MFSD12: variants seen among roughly 807,000 people sequenced by gnomAD.
MFSD12 encodes major facilitator superfamily domain-containing protein 12.
Under a neutral mutation model 51.2 loss-of-function variants are expected in MFSD12, and 67 were observed. That is an observed-to-expected ratio of 1.31 (90% CI 1.08 to 1.60). The LOEUF (loss-of-function observed/expected upper bound fraction) is 1.60, where lower values mean the gene tolerates loss of function less well. Among genes scored for constraint, MFSD12 ranks in the 40% most tolerant of loss-of-function variants. MFSD12 has a pLI of 0.00. For synonymous variants in MFSD12, 441 were observed against 316.7 expected, an observed-to-expected ratio of 1.39 and a Z score of -4.17; for missense variants, 921 against 673.0, an observed-to-expected ratio of 1.37 and a Z score of -4.08.
intron 4 of MFSD12, 100 bp downstream of exon 4, chr19:3,547,748 G>T: frequency 2.2e-6 from 3 of 1,376,556 alleles, no homozygotes; most frequent in Non-Finnish European, 9.7e-7. Context: ...TGCACCAGGG[G>T]CCACGTGTGC....
At chr19:3,546,747 CAGAA>C (rs1193482249) in intron 6 of MFSD12, among the ~76,000 whole-genome samples, 1 of 152,238 alleles carries the variant, frequency 6.6e-6, no homozygotes, top group African/African-American at 2.4e-5. Context: ...ACAGGGTGGA[CAGAA>C]AGCGCCAGAG....
rs367699993 is a variant in MFSD12, at chr19:3,547,464, G to C, written c.921C>G (p.His307Gln). 8 of 1,612,968 alleles carry C rather than the reference G, an allele frequency of 5.0e-6. No homozygotes were observed. The highest frequency in any genetic ancestry group is 2.2e-5 in the East Asian group (1 of 44,878). ...YMAMYLTYSL[H>Q]LPKKFIATIP... ...GCCCCAATCTGCTCACCTTGGGCAGGTGGAGCGAGTAGGTGAGGTACATGG... is the reference window on the plus strand; with the variant it reads ...GCCCCAATCTGCTCACCTTGGGCAGCTGGAGCGAGTAGGTGAGGTACATGG... Residue 307 changes from histidine (H) to glutamine (Q), a missense_variant, in exon 5 of 10, where the codon CAC becomes CAG. His to Gln is a conservative substitution (Grantham distance 24). Coordinates refer to ENST00000355415, the MANE Select transcript of MFSD12 (RefSeq NM_174983.5).
chr19:3,545,033 C>T, intron 8 of MFSD12, 94 bp from the exon 9 acceptor site: 1 of 1,469,832 alleles, frequency 6.8e-7, no homozygotes, highest in Non-Finnish European at 9.0e-7. Flanking sequence ...CCGACAGCGG[C>T]TCCGTCCTGT....
In MFSD12 at chr19:3,547,252, C is replaced by T. The variant is rs751741855; in HGVS notation, c.1023+20G>A. 6 of 1,607,146 alleles carry T rather than the reference C, an allele frequency of 3.7e-6. No homozygotes were observed. In the African/African-American group the frequency reaches 8.0e-5, roughly 21 times the overall value. On this transcript the variant is annotated intron_variant, in intron 6 of 9. Transcript: ENST00000355415. ...CACCCCATCCTCCGCCCCAGCTGTCCCCGGTCCCCGCCCACTCACGTTCCT... is the reference window on the plus strand; with the variant it reads ...CACCCCATCCTCCGCCCCAGCTGTCTCCGGTCCCCGCCCACTCACGTTCCT...
At chr19:3,542,893 C>G (rs1568249336), downstream of MFSD12, 1 of 1,410,788 alleles carries the variant, frequency 7.1e-7, no homozygotes, top group Non-Finnish European at 9.5e-7. Flanking sequence ...ACTTGTGGGT[C>G]TTGGAGGCTG....
In MFSD12 at chr19:3,554,584, TC is replaced by T. The variant is rs2031643804; in HGVS notation, c.298+2521del. 2.0e-5 allele frequency among the ~76,000 whole-genome samples: 3 copies of T among 152,328 alleles called. No individual in the cohort carries two copies. In the Middle Eastern group the frequency reaches 0.01, roughly 518 times the overall value. ...TCCGCAGCTTCAAAGTGAGGACTGT[TC>T]CTACCTTTTCCACAGCTGTTTCTGC... On this transcript the variant is annotated intron_variant, in intron 1 of 9. Transcript: ENST00000355415.
Position 3,546,410 on chromosome 19 carries a change from C to T in MFSD12, c.1039G>A (p.Gly347Ser), listed in dbSNP as rs367930953. ...CIGRNMTYFS[G>S]LLVILAFAAW... is the part of the protein sequence containing the mutation. ...GCAAAGGCCAGGATCACCAGGAGGC[C>T]TGAGAAGTAGGTCATCTGCAGGGAC... The change falls in exon 7 of 10, where the codon GGC becomes AGC. Residue 347 changes from glycine to serine, a missense_variant. Transcript: ENST00000355415. The T allele has an allele frequency of 3.1e-5, 49 of 1,606,550 alleles. No homozygotes were observed. The highest frequency in any genetic ancestry group is 4.2e-5 in the Non-Finnish European group (49 of 1,177,346).
exon 5 of MFSD12, chr19:3,538,383 C>T (rs891549851): frequency 4.0e-6 from 1 of 249,786 alleles, no homozygotes; most frequent in Middle Eastern, 1.5e-3. Flanking sequence ...CCATCTGATT[C>T]CAGAACATTC....
chr19:3,544,162 TGCCCAGA>T, downstream of MFSD12: 1 of 1,370,042 alleles, frequency 7.3e-7, no homozygotes, highest in Non-Finnish European at 9.5e-7. Flanking sequence ...AGGCTACCCC[TGCCCAGA>T]GCCCCCCCGC....
chr19:3,547,735 G>T, intron 4 of MFSD12, 113 bp downstream of exon 4: 1 of 1,318,602 alleles, frequency 7.6e-7, no homozygotes, highest in Non-Finnish European at 1.0e-6. Context: ...CCTGGGTGTG[G>T]GCTGCACCAG....
At chr19:3,549,504 AC>A (rs2031332932) in intron 2 of MFSD12, among the ~76,000 whole-genome samples, 1 of 150,794 alleles carries the variant, frequency 6.6e-6, no homozygotes, top group Admixed American at 6.6e-5. Flanking sequence ...CAGGCAGATC[AC>A]TGAGGTCAGG....
intron 8 of MFSD12, 28 bp downstream of exon 8, chr19:3,546,046 G>A: frequency 6.2e-7 from 1 of 1,610,006 alleles, no homozygotes; most frequent in Non-Finnish European, 8.5e-7. Context: ...CTGAACAAAA[G>A]AATGAATGAA....
At chr19:3,549,587 G>A (rs1460128826) in intron 2 of MFSD12, among the ~76,000 whole-genome samples, 1 of 151,756 alleles carries the variant, frequency 6.6e-6, no homozygotes, top group Non-Finnish European at 1.5e-5. Context: ...GCCGGGGGTG[G>A]TGGCGGGTGC....
intron 8 of MFSD12, among the ~76,000 whole-genome samples, chr19:3,545,639 A>G (rs1196816016): frequency 6.6e-6 from 1 of 152,192 alleles, no homozygotes; most frequent in African/African-American, 2.4e-5. Flanking sequence ...CGCCGGTACC[A>G]ACCACATGTT....
At chr19:3,538,922 TG>T (rs763623587) in intron 4 of MFSD12, 10 of 661,010 alleles carry the variant, frequency 1.5e-5, no homozygotes, top group East Asian at 5.7e-5. Flanking sequence ...AGACCCCAGG[TG>T]GGGGGTGCAT....
chr19:3,551,300 A>G lies in MFSD12; in HGVS notation c.299-106T>C. The G allele has an allele frequency of 2.2e-6, 2 of 890,998 alleles. No individual in the cohort carries two copies. The highest frequency in any genetic ancestry group is 3.4e-5 in the African/African-American group (2 of 59,428). The allele number at this position is 890,998 out of a possible 1,614,324, so 55.2% of individuals were successfully genotyped here. A position where few individuals can be genotyped will look rare whatever the true frequency, so the allele number is the denominator to read the frequency against. ...GAGGGAAACTGAGGCACAGATGGAG[A>G]CGCCCCCCGCATGCACACAGTCACG... On this transcript the variant is annotated intron_variant, in intron 1 of 9. Coordinates refer to ENST00000355415, the MANE Select transcript of MFSD12 (RefSeq NM_174983.5). This position sits in a 1 kb window ranked among gnomAD's most constrained non-coding sequence, Gnocchi z 4.6.
intron 1 of MFSD12, among the ~76,000 whole-genome samples, chr19:3,554,260 A>G (rs2145221298): frequency 6.6e-6 from 1 of 150,966 alleles, no homozygotes; most frequent in East Asian, 2.0e-4. Flanking sequence ...AATATGGTGA[A>G]ACCTTGCCTC....
chr19:3,538,283 T>G (rs73920148), exon 5 of MFSD12: 8,950 of 165,238 alleles, frequency 0.054, 827 homozygotes, highest in African/African-American at 0.2. Flanking sequence ...GGTTTGGTTT[T>G]GTTTTGTTTT....
intron 2 of MFSD12, among the ~76,000 whole-genome samples, chr19:3,550,297 G>A (rs981893828): frequency 8.0e-5 from 12 of 150,704 alleles, no homozygotes; most frequent in African/African-American, 2.2e-4. Context: ...GCCTGTAATC[G>A]CAGCACTTTG....
Sources: allele counts gnomAD v4.1 joint callset (sites outside exome capture counted in the v4.1 genomes callset), GRCh38; gene constraint gnomAD v4.1.1; non-coding constraint Gnocchi (gnomAD v3.1); transcripts MANE v1.5; gene names NCBI Gene and HGNC (gene_info 2026-07-23, HGNC 2026-07-21).